The following TEX15 variants were observed in gnomAD, a reference collection of about 807,000 sequenced individuals.
The protein encoded by TEX15 is testis expressed 15, meiosis and synapsis associated, also known as testis-expressed protein 15.
A neutral mutation model predicts 237.3 loss-of-function variants in TEX15; 171 were observed. That is an observed-to-expected ratio of 0.72 (90% CI 0.64 to 0.82). TEX15 has a LOEUF of 0.82. TEX15 is among the 40% of genes least tolerant of loss of function. The probability of loss-of-function intolerance (pLI) is 0.00; values close to 1 mark genes in which losing one functional copy is unlikely to be tolerated. For missense variants in TEX15, 3,750 were observed against 3,646.5 expected (o/e 1.03, Z -0.73); for synonymous variants, 1,338 against 1,269.8 (o/e 1.05, Z -1.14).
chr8:30,847,462 T>C lies in TEX15; in HGVS notation c.2705A>G (p.Lys902Arg). ...TATATTGTGGTAATTTTTGTCCTCC[T>C]TTTCATCTATATTGCTGAAATTTTC... ...TNENFSNIDE[K>R]EDKNYHNIEI... The change falls in exon 8 of 11, where the codon AAG becomes AGG. Residue 902 changes from lysine to arginine, a missense_variant. Coordinates refer to ENST00000643185, the MANE Select transcript of TEX15 (RefSeq NM_001350162.2). The C allele has an allele frequency of 1.9e-6, 3 of 1,612,070 alleles. No individual in the cohort carries two copies. Among genetic ancestry groups the C allele is most frequent in the Non-Finnish European group, 1.7e-6 (2 of 1,179,554 alleles).
At chr8:30,910,610 C>CT (rs796129316) in intron 1 of TEX15, among the ~76,000 whole-genome samples, 4,852 of 97,774 alleles carry the variant, frequency 0.05, 116 homozygotes, top group African/African-American at 0.06. Context: ...CACGCCTGGC[C>CT]TTTTTTTTTT....
At chr8:30,906,784 G>A (rs1303821796) in intron 1 of TEX15, among the ~76,000 whole-genome samples, 1 of 151,982 alleles carries the variant, frequency 6.6e-6, no homozygotes, top group Non-Finnish European at 1.5e-5. Flanking sequence ...TTTATAAGCA[G>A]ATTTTCCCAT....
In TEX15 at chr8:30,848,586, G is replaced by GGTAA; in HGVS notation, c.1577_1580dup (p.Met528TyrfsTer7). 6.2e-7 allele frequency: 1 copy of GGTAA among 1,614,064 alleles called. No homozygotes were observed. Among genetic ancestry groups the GGTAA allele is most frequent in the Non-Finnish European group, 8.5e-7 (1 of 1,180,006 alleles). ...CTTGGTCCTTACATTGCCCTGCCAT[G>GGTAA]GTAACTTTATTGGGAGGTATACAGT... On this transcript the variant is annotated frameshift_variant, in exon 8 of 11. Transcript: ENST00000643185. LOFTEE classifies it high-confidence loss of function.
At chr8:30,890,326 A>T (rs1032061851) in intron 2 of TEX15, among the ~76,000 whole-genome samples, 2 of 152,196 alleles carry the variant, frequency 1.3e-5, no homozygotes, top group African/African-American at 4.8e-5. Context: ...ACCAAAATTG[A>T]TTCAAGAAGA....
chr8:30,883,072 T>C (rs1187204552), intron 3 of TEX15, among the ~76,000 whole-genome samples: 2 of 152,134 alleles, frequency 1.3e-5, no homozygotes, highest in East Asian at 3.9e-4. Flanking sequence ...TGACTGGCCC[T>C]GTAGTTTTTT....
At position 30,837,525 on chromosome 8, in the gene TEX15, T is replaced by C. The variant is rs2128766212; in HGVS notation, c.8759A>G (p.Asp2920Gly). ...AATAGATGAATTTACTATATCATTA[T>C]CTTGAAGTTCAAAGACTGTGTCATT... The part of the protein sequence containing the change: ...EMNDTVFELQ[D>G]NDIVNSSIKN... The change falls in exon 10 of 11, where the codon GAT (aspartate) becomes GGT (glycine). Residue 2920 changes from aspartate (D) to glycine (G), a missense_variant. By Grantham distance (94) the Asp-to-Gly change is moderately conservative. Coordinates refer to ENST00000643185, the MANE Select transcript of TEX15 (RefSeq NM_001350162.2). The C allele has an allele frequency of 6.2e-7, 1 of 1,613,502 alleles. No homozygotes were observed. The highest frequency in any genetic ancestry group is 2.2e-5 in the East Asian group (1 of 44,864).
At chr8:30,868,032 C>T (rs992100368) in intron 4 of TEX15, among the ~76,000 whole-genome samples, 2 of 151,986 alleles carry the variant, frequency 1.3e-5, no homozygotes, top group East Asian at 3.9e-4. Context: ...TCTATATCTA[C>T]GTATCTCTAC....
intron 5 of TEX15, among the ~76,000 whole-genome samples, chr8:30,861,449 A>G (rs1285227548): frequency 6.6e-6 from 1 of 152,194 alleles, no homozygotes; most frequent in Non-Finnish European, 1.5e-5. Flanking sequence ...TTTTAAATAG[A>G]TTAGTACGTT....
At chr8:30,890,014 G>A (rs192598644) in intron 2 of TEX15, among the ~76,000 whole-genome samples, 15 of 141,040 alleles carry the variant, frequency 1.1e-4, no homozygotes, top group African/African-American at 4.0e-4. Flanking sequence ...TTCATGCTGA[G>A]GCTGTCTTCT....
Position 30,839,911 on chromosome 8 carries a change from A to G in TEX15, c.8217T>C (p.His2739=). 1 of 1,601,010 alleles carries G rather than the reference A, an allele frequency of 6.2e-7. No individual in the cohort carries two copies. The highest frequency in any genetic ancestry group is 8.5e-7 in the Non-Finnish European group (1 of 1,173,980). Residue 2739 remains histidine, a synonymous_variant, in exon 9 of 11, where the codon CAT becomes CAC. Transcript: ENST00000643185. ...GGGCTGATGGGAACTCCTACCTTGGATGCTTGAATGTTGCCTTTTCTCTGT... is the reference window on the plus strand; with the variant it reads ...GGGCTGATGGGAACTCCTACCTTGGGTGCTTGAATGTTGCCTTTTCTCTGT... ...KINREKATFK[H]PRTTGSHPKS...
chr8:30,858,714 A>G lies in TEX15; in HGVS notation c.804T>C (p.Leu268=). 6.5e-7 allele frequency: 1 copy of G among 1,535,844 alleles called. No homozygotes were observed. Residue 268 remains leucine, a synonymous_variant, in exon 7 of 11, where the codon CTT becomes CTC. Coordinates refer to ENST00000643185, the MANE Select transcript of TEX15 (RefSeq NM_001350162.2). ...TTGAGAGGAATCTCAAAGATGTCAT[A>G]AGGCGTCCATTATCTACTTTTGAAC... is the stretch of plus-strand genomic sequence containing the variant. The part of the protein sequence containing the change: ...FLGSKVDNGR[L]MTSLRFLSTG...
In TEX15 at chr8:30,837,107, C is replaced by T. The variant is rs371346555; in HGVS notation, c.9177G>A (p.Gln3059=). The T allele has an allele frequency of 1.2e-6, 2 of 1,614,086 alleles. No homozygotes were observed. Among genetic ancestry groups the T allele is most frequent in the Non-Finnish European group, 1.7e-6 (2 of 1,180,020 alleles). Residue 3059 remains glutamine, a synonymous_variant, in exon 10 of 11, where the codon CAG becomes CAA. Coordinates refer to ENST00000643185, the MANE Select transcript of TEX15 (RefSeq NM_001350162.2). ...CATATGATGTTATCCCTTGGTATGT[C>T]TGGGTAATGGCATTGCCATTGCTGT... ...YSNSNGNAIT[Q]TYQGITSYEV...
chr8:30,868,308 A>G (rs986904931), intron 4 of TEX15, among the ~76,000 whole-genome samples: 4 of 152,054 alleles, frequency 2.6e-5, no homozygotes, highest in African/African-American at 7.2e-5. Flanking sequence ...GGCAGATTAG[A>G]TATTCTATAT....
chr8:30,912,124 C>A (rs915886809), intron 1 of TEX15, among the ~76,000 whole-genome samples: 1 of 152,220 alleles, frequency 6.6e-6, no homozygotes, highest in Non-Finnish European at 1.5e-5. Flanking sequence ...CCAGCTACCC[C>A]CGCGCCGCCC....
Position 30,912,959 on chromosome 8 carries a change from G to C in TEX15, c.-166C>G, listed in dbSNP as rs1809264054. On this transcript the variant is annotated 5_prime_UTR_variant, in exon 1 of 11. Transcript: ENST00000643185. ...AGACCTTCGCCCACTGCCTTCCCTGGAAGCCTCAGGAACACAGCAGCACCC... is the reference window on the plus strand; with the variant it reads ...AGACCTTCGCCCACTGCCTTCCCTGCAAGCCTCAGGAACACAGCAGCACCC... 6.6e-6 allele frequency: 1 copy of C among 152,354 alleles called. No individual in the cohort carries two copies. The highest frequency in any genetic ancestry group is 2.4e-5 in the African/African-American group (1 of 41,476). 9.4% of individuals were successfully genotyped at this position (152,354 alleles called of 1,614,324 possible). A position where few individuals can be genotyped will look rare whatever the true frequency, so the allele number is the denominator to read the frequency against.
Position 30,845,040 on chromosome 8 carries a change from CAA to C in TEX15, c.5125_5126del (p.Leu1709AspfsTer4). The C allele has an allele frequency of 6.2e-7, 1 of 1,613,594 alleles. No individual in the cohort carries two copies. The highest frequency in any genetic ancestry group is 1.1e-5 in the South Asian group (1 of 91,068). Reference protein sequence around the residue: ...NFLMGPLNLTLIASKKYSIPQ... With the variant: ...NFLMGPLNLTXIASKKYSIPQ... ...GAATACTGTACTTTTTACTTGCTATCAAAGTTAGGTTTAATGGGCCCATAAGG... is the reference window on the plus strand; with the variant it reads ...GAATACTGTACTTTTTACTTGCTATCAGTTAGGTTTAATGGGCCCATAAGG... On this transcript the variant is annotated frameshift_variant, in exon 8 of 11. Transcript: ENST00000643185. LOFTEE classifies it high-confidence loss of function.
intron 3 of TEX15, among the ~76,000 whole-genome samples, chr8:30,876,728 G>A (rs992047561): frequency 6.6e-6 from 1 of 152,068 alleles, no homozygotes; most frequent in African/African-American, 2.4e-5. Flanking sequence ...ATTACACTTG[G>A]AGACCATTTA....
intron 8 of TEX15, among the ~76,000 whole-genome samples, chr8:30,841,639 C>T (rs769510334): frequency 1.6e-4 from 24 of 152,124 alleles, no homozygotes; most frequent in African/African-American, 5.6e-4. Flanking sequence ...ATTCACTACA[C>T]GGGGCATAGG....
intron 10 of TEX15, among the ~76,000 whole-genome samples, chr8:30,835,972 C>T (rs1807282769): frequency 6.6e-6 from 1 of 151,994 alleles, no homozygotes; most frequent in South Asian, 2.1e-4. Flanking sequence ...TGTTTTTCCT[C>T]TAATTATCAA....
Sources: allele counts gnomAD v4.1 joint callset (sites outside exome capture counted in the v4.1 genomes callset), GRCh38; gene constraint gnomAD v4.1.1; transcripts MANE v1.5; gene names NCBI Gene and HGNC (gene_info 2026-07-23, HGNC 2026-07-21).